The following ARHGAP36 variants were observed in gnomAD, a reference collection of about 807,000 sequenced individuals.
The protein encoded by ARHGAP36 is Rho GTPase activating protein 36, also known as rho GTPase-activating protein 36.
Under a neutral mutation model 32.9 loss-of-function variants are expected in ARHGAP36, and 7 were observed. The ratio of observed to expected loss-of-function variants is 0.21; its 90% CI spans 0.12 to 0.40. The LOEUF is 0.40. Among genes scored for constraint, ARHGAP36 ranks in the 10% least tolerant of loss-of-function variants. The pLI, the probability that ARHGAP36 is intolerant of heterozygous loss-of-function variation, is 1.00. For missense variants in ARHGAP36, 383 were observed against 442.2 expected, an observed-to-expected ratio of 0.87 and a Z score of 1.20; for synonymous variants, 165 against 168.3, an observed-to-expected ratio of 0.98 and a Z score of 0.15.
rs2079799255 is a variant in ARHGAP36, at chrX:131,081,592, C to G, written c.-74C>G. On this transcript the variant is annotated 5_prime_UTR_variant, in exon 2 of 12. Transcript: ENST00000276211. ...CCCAGTTTTCCCTCCCCCTCTACCC[C>G]CACCCCCATAGTTCTCTCCACCAGG... is the stretch of plus-strand genomic sequence containing the variant. The G allele has an allele frequency of 8.8e-7, 1 of 1,139,491 alleles. No homozygotes were observed. The highest frequency in any genetic ancestry group is 2.5e-5 in the Admixed American group (1 of 40,767). The allele number at this position is 1,139,491 out of a possible 1,213,427, so 93.9% of individuals were successfully genotyped here.
chrX:131,069,780 C>T (rs781191872), intron 1 of ARHGAP36, among the ~76,000 whole-genome samples: 36 of 112,176 alleles, frequency 3.2e-4, no homozygotes, highest in African/African-American at 1.1e-3. Flanking sequence ...GGCTGTTCTG[C>T]CCATCACCTC....
Position 131,088,886 on chromosome X carries a change from A to G in ARHGAP36, c.*101A>G. 9.3e-7 allele frequency: 1 copy of G among 1,069,920 alleles called. No homozygotes were observed. Among genetic ancestry groups the G allele is most frequent in the Non-Finnish European group, 1.2e-6 (1 of 810,256 alleles). The allele number at this position is 1,069,920 out of a possible 1,213,427, so 88.2% of individuals were successfully genotyped here. Reference sequence around the variant, plus strand: ...GGAGAGAGTTGAAGGTAAAGATCTGAAGGTAAGAAGGAGTTCCACCTGATG... The same window carrying G: ...GGAGAGAGTTGAAGGTAAAGATCTGGAGGTAAGAAGGAGTTCCACCTGATG... On this transcript the variant is annotated 3_prime_UTR_variant, in exon 12 of 12. Transcript: ENST00000276211.
chrX:131,086,583 G>A lies in ARHGAP36; in HGVS notation c.1404G>A (p.Glu468=), dbSNP rs1484741030. The stretch of plus-strand genomic sequence containing the variant: ...GGAGTGCACGCATAAAGATGGAAGA[G>A]GATGCACTACTTTCTGATCCAGTGG... ...KIQSARIKME[E]DALLSDPVET... The change falls in exon 11 of 12, where the codon GAG becomes GAA. Residue 468 remains glutamate, a synonymous_variant. Transcript: ENST00000276211. 1 of 1,211,944 alleles carries A rather than the reference G, an allele frequency of 8.3e-7. No homozygotes were observed. Among genetic ancestry groups the A allele is most frequent in the Admixed American group, 2.2e-5 (1 of 46,086 alleles).
chrX:131,083,046 G>A (rs5932835), intron 2 of ARHGAP36, 119 bp from the exon 3 acceptor site: 2 of 686,874 alleles, frequency 2.9e-6, no homozygotes, highest in Non-Finnish European at 4.3e-6. Flanking sequence ...TTCGCCCGCT[G>A]GGCAGAGCTC....
Position 131,081,936 on chromosome X carries a change from T to C in ARHGAP36, c.253+18T>C. ...TGACAGAGGTAAGCTGTACCCCGGA[T>C]TGTGGCATCCTCGCCTTCGGGAGAG... On this transcript the variant is annotated intron_variant, in intron 2 of 11. Transcript: ENST00000276211. The C allele has an allele frequency of 1.7e-6, 2 of 1,207,047 alleles. No homozygotes were observed. Among genetic ancestry groups the C allele is most frequent in the South Asian group, 1.8e-5 (1 of 56,448 alleles).
At chrX:131,069,653 C>T (rs139374692) in intron 1 of ARHGAP36, among the ~76,000 whole-genome samples, 3,070 of 111,393 alleles carry the variant, frequency 0.028, 116 homozygotes, top group African/African-American at 0.094. Flanking sequence ...GGCAGGAGTT[C>T]AGTTAACTTG....
rs1357177844 is a variant in ARHGAP36, at chrX:131,083,777, G to A, written c.363G>A (p.Leu121=). 17 of 1,210,278 alleles carry A rather than the reference G, an allele frequency of 1.4e-5. No individual in the cohort carries two copies. Among genetic ancestry groups the A allele is most frequent in the Non-Finnish European group, 1.5e-5 (13 of 895,212 alleles). Residue 121 remains leucine, a synonymous_variant, in exon 4 of 12, where the codon CTG becomes CTA. Transcript: ENST00000276211. Reference sequence around the variant, plus strand: ...TTGGCATTAGCCTGGAAGAGGTCCTGGTGAACGAGTTTACCCGCCGCAAGC... The same window carrying A: ...TTGGCATTAGCCTGGAAGAGGTCCTAGTGAACGAGTTTACCCGCCGCAAGC... ...KTFGISLEEV[L]VNEFTRRKHL...
chrX:131,084,060 G>T, intron 4 of ARHGAP36, 91 bp downstream of exon 4: 1 of 1,071,337 alleles, frequency 9.3e-7, no homozygotes, highest in Admixed American at 2.6e-5. Flanking sequence ...GCCCTCAGAG[G>T]CAGGGGGGAG....
At chrX:131,064,660 A>G in intron 1 of ARHGAP36, among the ~76,000 whole-genome samples, 1 of 111,442 alleles carries the variant, frequency 9.0e-6, no homozygotes, top group East Asian at 2.8e-4. Context: ...TATCCTTCCC[A>G]AGATCACACA....
chrX:131,080,750 AT>A (rs926756956), intron 1 of ARHGAP36, among the ~76,000 whole-genome samples: 2 of 112,528 alleles, frequency 1.8e-5, no homozygotes, highest in Admixed American at 9.3e-5. Context: ...GGTACAAATG[AT>A]TTTTTTATGA....
chrX:131,061,220 T>C (rs2079666802), intron 1 of ARHGAP36, among the ~76,000 whole-genome samples: 1 of 111,496 alleles, frequency 9.0e-6, no homozygotes, highest in Admixed American at 9.5e-5. Context: ...TGTTCAACTC[T>C]TTTTTAAAAA....
In ARHGAP36 at chrX:131,089,048, C is replaced by T. The variant is rs1345189006; in HGVS notation, c.*263C>T. 1.0e-5 allele frequency: 3 copies of T among 296,187 alleles called. No homozygotes were observed. Among genetic ancestry groups the T allele is most frequent in the Non-Finnish European group, 1.7e-5 (3 of 173,665 alleles). 24.4% of individuals were successfully genotyped at this position (296,187 alleles called of 1,213,427 possible). The stretch of plus-strand genomic sequence containing the variant: ...GTGCTACCTTGCCTTTCTCTTTTAC[C>T]CCTGATCTTGGCTTTCTCTCTCTCT... On this transcript the variant is annotated 3_prime_UTR_variant, in exon 12 of 12. Transcript: ENST00000276211.
rs750983231 is a variant in ARHGAP36, at chrX:131,083,747, G to C, written c.333G>C (p.Lys111Asn). 1 of 1,211,308 alleles carries C rather than the reference G, an allele frequency of 8.3e-7. No homozygotes were observed. Among genetic ancestry groups the C allele is most frequent in the East Asian group, 3.0e-5 (1 of 33,839 alleles). The change falls in exon 4 of 12, where the codon AAG becomes AAC. Residue 111 changes from lysine to asparagine, a missense_variant. Physicochemically the swap from Lys to Asn is moderately conservative, Grantham distance 94. Coordinates refer to ENST00000276211, the MANE Select transcript of ARHGAP36 (RefSeq NM_144967.4). ...GTGGCTCCCCAGCTGTATCACACAA[G>C]ACATTTGGCATTAGCCTGGAAGAGG... ...LRGQQRAVSH[K>N]TFGISLEEVL...
Position 131,085,989 on chromosome X carries a change from G to C in ARHGAP36, c.1181G>C (p.Gly394Ala), listed in dbSNP as rs771954505. 8.3e-6 allele frequency: 10 copies of C among 1,209,671 alleles called. No homozygotes were observed. Among genetic ancestry groups the C allele is most frequent in the African/African-American group, 1.8e-5 (1 of 57,082 alleles). ...GSALLKKGKF[G>A]KRESRKTKLG... ...GCTCTCCTGAAAAAAGGAAAGTTTG[G>C]CAAGAGAGAGTCCAGGAAAACAAAG... The change falls in exon 9 of 12, where the codon GGC becomes GCC. Residue 394 changes from glycine (G) to alanine (A), a missense_variant. Gly to Ala is a moderately conservative substitution (Grantham distance 60). Transcript: ENST00000276211.
At chrX:131,060,386 C>T (rs762754617) in intron 1 of ARHGAP36, among the ~76,000 whole-genome samples, 8 of 111,444 alleles carry the variant, frequency 7.2e-5, no homozygotes, top group African/African-American at 2.3e-4. Flanking sequence ...ATTACCACAC[C>T]TATGCATGCC....
chrX:131,076,805 T>C (rs889955669), intron 1 of ARHGAP36, among the ~76,000 whole-genome samples: 3 of 112,019 alleles, frequency 2.7e-5, no homozygotes, highest in African/African-American at 9.7e-5. Context: ...ATAATGGAGG[T>C]TTGGGACCAG....
chrX:131,074,935 C>A (rs1423401083), intron 1 of ARHGAP36, among the ~76,000 whole-genome samples: 2 of 112,629 alleles, frequency 1.8e-5, no homozygotes, highest in Non-Finnish European at 3.7e-5. Context: ...AGCTGCCTTG[C>A]ATCTCTGATC....
intron 1 of ARHGAP36, among the ~76,000 whole-genome samples, chrX:131,077,797 ATATATATATT>A (rs1797065795): frequency 1.6e-5 from 1 of 64,264 alleles, no homozygotes; most frequent in African/African-American, 5.8e-5. Context: ...ATATATATAT[ATATATATATT>A]GCTAGTGACA....
At position 131,070,598 on chromosome X, in the gene ARHGAP36, C is replaced by T. The variant is rs949280692; in HGVS notation, c.-142-10926C>T. On this transcript the variant is annotated intron_variant, in intron 1 of 11. Coordinates refer to ENST00000276211, the MANE Select transcript of ARHGAP36 (RefSeq NM_144967.4). ...ATGTGACTTTGGGCAAGTTATTTTC[C>T]CCTCTCTGGGCTTCAGTGGCAAGGT... Among the ~76,000 whole-genome samples the T allele has an allele frequency of 2.7e-5, 3 of 110,391 alleles. No homozygotes were observed. In the East Asian group the frequency reaches 8.5e-4, roughly 31 times the overall value.
Sources: gnomAD v4.1 joint callset for allele counts (sites outside exome capture counted in the v4.1 genomes callset) on GRCh38, gnomAD v4.1.1 for gene constraint, MANE v1.5 for transcripts, NCBI Gene and HGNC (gene_info 2026-07-23, HGNC 2026-07-21) for gene names.